The following AHI1 variants were observed in gnomAD, a reference collection of about 807,000 sequenced individuals.
The protein encoded by AHI1 is Abelson helper integration site 1, also known as jouberin.
A neutral mutation model predicts 149.3 loss-of-function variants in AHI1; 123 were observed. The observed-to-expected ratio is 0.82, with a 90% CI of 0.71 to 0.96. AHI1 has a LOEUF of 0.96. Ranked by LOEUF, AHI1 falls within the 40% of genes least tolerant of loss-of-function variation. The pLI, the probability that AHI1 is intolerant of heterozygous loss-of-function variation, is 0.00. For missense variants in AHI1, 1,439 were observed against 1,422.7 expected (o/e 1.01, Z -0.18); for synonymous variants, 475 against 459.8 (o/e 1.03, Z -0.42).
At chr6:135,415,027 C>T (rs9494238) in intron 20 of AHI1, among the ~76,000 whole-genome samples, 2,129 of 143,324 alleles carry the variant, frequency 0.015, 64 homozygotes, top group African/African-American at 0.053. Context: ...TGTGTTCTCA[C>T]TGTTCAATTC....
At position 135,462,047 on chromosome 6, in the gene AHI1, T is replaced by C. The variant is rs1789977739; in HGVS notation, c.931+1078A>G. Among the ~76,000 whole-genome samples the C allele has an allele frequency of 1.3e-5, 2 of 152,018 alleles. 1 individual carries two copies. The highest frequency in any genetic ancestry group is 4.1e-4 in the South Asian group (2 of 4,822). On this transcript the variant is annotated intron_variant, in intron 8 of 28. Coordinates refer to ENST00000265602, the MANE Select transcript of AHI1 (RefSeq NM_001134831.2). ...AACTTTAAAAATATGTATATGAGTA[T>C]ACTGCTTAGTGCTTTATATATATAG... is the stretch of plus-strand genomic sequence containing the variant.
At chr6:135,287,246 CAG>C (rs1781797967) in intron 28 of AHI1, among the ~76,000 whole-genome samples, 1 of 152,056 alleles carries the variant, frequency 6.6e-6, no homozygotes, top group Non-Finnish European at 1.5e-5. Context: ...GAGAAGTAAA[CAG>C]AGAAGCCAGA....
intron 15 of AHI1, chr6:135,435,179 AT>A (rs1375020944): frequency 6.6e-6 from 1 of 152,158 alleles, no homozygotes; most frequent in Non-Finnish European, 1.5e-5. Flanking sequence ...TCTCCTTGTC[AT>A]TTTGATGCTA....
chr6:135,433,387 T>C, intron 15 of AHI1, 131 bp from the exon 16 acceptor site: 1 of 616,850 alleles, frequency 1.6e-6, no homozygotes, highest in Non-Finnish European at 2.8e-6. Context: ...AACCAAGTTT[T>C]AAAACAATGA....
chr6:135,483,513 A>G (rs1307628221), intron 5 of AHI1, among the ~76,000 whole-genome samples: 1 of 152,230 alleles, frequency 6.6e-6, no homozygotes, highest in African/African-American at 2.4e-5. Context: ...CGGTATACAC[A>G]ATAAAAGTGA....
intron 28 of AHI1, among the ~76,000 whole-genome samples, chr6:135,286,746 T>C (rs1781733766): frequency 6.6e-6 from 1 of 152,202 alleles, no homozygotes; most frequent in African/African-American, 2.4e-5. Flanking sequence ...TTAAATTTGT[T>C]AAACAGAGCT....
At chr6:135,332,053 T>C (rs1258626773) in intron 24 of AHI1, among the ~76,000 whole-genome samples, 1 of 151,794 alleles carries the variant, frequency 6.6e-6, no homozygotes. Flanking sequence ...TTACTTGATA[T>C]CCGTTTTCAG....
chr6:135,320,792 G>A (rs1249767357), intron 25 of AHI1, among the ~76,000 whole-genome samples: 1 of 152,152 alleles, frequency 6.6e-6, no homozygotes, highest in African/African-American at 2.4e-5. Context: ...TCGTTAAAAT[G>A]AGGCATACTC....
At chr6:135,322,256 C>T (rs969748545) in intron 25 of AHI1, among the ~76,000 whole-genome samples, 2 of 152,176 alleles carry the variant, frequency 1.3e-5, no homozygotes, top group African/African-American at 4.8e-5. Flanking sequence ...GTTTTCCTGA[C>T]CCCTGAGTGT....
At position 135,328,397 on chromosome 6, in the gene AHI1, C is replaced by T. The variant is rs537025715; in HGVS notation, c.3166-5073G>A. The stretch of plus-strand genomic sequence containing the variant: ...TGTCATATTCTGGTAATTCTTACAA[C>T]AGTTCAAATTTTTCCTTTATTATTA... On this transcript the variant is annotated intron_variant, in intron 24 of 28. Transcript: ENST00000265602. 3.3e-5 allele frequency among the ~76,000 whole-genome samples: 5 copies of T among 152,278 alleles called. No individual in the cohort carries two copies. The East Asian group carries it at 9.6e-4, about 29-fold the overall frequency.
chr6:135,382,415 G>C (rs975669757), intron 23 of AHI1, among the ~76,000 whole-genome samples: 2 of 152,148 alleles, frequency 1.3e-5, no homozygotes, highest in Non-Finnish European at 2.9e-5. Context: ...CAGAAGGTCT[G>C]GTTCCTAAAC....
At chr6:135,466,844 G>C (rs974843506) in intron 6 of AHI1, among the ~76,000 whole-genome samples, 5 of 152,258 alleles carry the variant, frequency 3.3e-5, no homozygotes, top group African/African-American at 1.2e-4. Flanking sequence ...TCACCCTGCA[G>C]TAAATCTAAG....
rs541247468 is a variant in AHI1 at position 135,430,973 on chromosome 6, T to C, written c.2373+235A>G. 2.2e-4 allele frequency among the ~76,000 whole-genome samples: 33 copies of C among 152,100 alleles called. No homozygotes were observed. In the South Asian group the frequency reaches 2.9e-3, roughly 13 times the overall value. On this transcript the variant is annotated intron_variant, in intron 17 of 28. Transcript: ENST00000265602. ...GGATTACTGAATGCCACAGTGCAAA[T>C]GGGGTATAAAAAAGTGAAATTAACA...
chr6:135,457,371 G>C (rs1245124311), intron 9 of AHI1, 123 bp downstream of exon 9: 1 of 676,918 alleles, frequency 1.5e-6, no homozygotes, highest in Admixed American at 2.8e-5. Context: ...CCTACAACTA[G>C]TAGACTATTC....
At chr6:135,355,100 C>T (rs1792752487) in intron 24 of AHI1, among the ~76,000 whole-genome samples, 1 of 152,040 alleles carries the variant, frequency 6.6e-6, no homozygotes, top group Non-Finnish European at 1.5e-5. Context: ...AGGCAATTGA[C>T]AAGTATTTAA....
intron 22 of AHI1, among the ~76,000 whole-genome samples, chr6:135,404,261 C>A (rs1207122122): frequency 6.6e-6 from 1 of 152,158 alleles, no homozygotes; most frequent in African/African-American, 2.4e-5. Context: ...TTAAAAGTTA[C>A]ACATAAAATA....
chr6:135,471,259 C>T (rs1040398363), intron 5 of AHI1, among the ~76,000 whole-genome samples: 1 of 152,294 alleles, frequency 6.6e-6, no homozygotes, highest in East Asian at 1.9e-4. Flanking sequence ...TCAGCCTTTG[C>T]ACTAATAACA....
chr6:135,478,517 T>C (rs1001755757), intron 5 of AHI1, among the ~76,000 whole-genome samples: 1 of 152,168 alleles, frequency 6.6e-6, no homozygotes, highest in Non-Finnish European at 1.5e-5. Context: ...CAGCAAAGTG[T>C]TCAGATGTGG....
intron 11 of AHI1, among the ~76,000 whole-genome samples, chr6:135,449,992 G>C (rs978551132): frequency 6.6e-6 from 1 of 152,188 alleles, no homozygotes; most frequent in African/African-American, 2.4e-5. Context: ...CGGATACTCA[G>C]TTTGGAGGAA....
Sources: gnomAD v4.1 joint callset for allele counts (sites outside exome capture counted in the v4.1 genomes callset) on GRCh38, gnomAD v4.1.1 for gene constraint, MANE v1.5 for transcripts, NCBI Gene and HGNC (gene_info 2026-07-23, HGNC 2026-07-21) for gene names.